Variants in CRACD observed in about 807,000 individuals in gnomAD.
CRACD encodes the protein capping protein inhibiting regulator of actin dynamics.
CRACD carries 56 observed loss-of-function variants against 106.8 expected under a neutral mutation model. The ratio of observed to expected loss-of-function variants is 0.52; its 90% confidence interval spans 0.42 to 0.66. The LOEUF (loss-of-function observed/expected upper bound fraction) is 0.66, where lower values mean the gene tolerates loss of function less well. Among genes scored for constraint, CRACD ranks in the 30% least tolerant of loss-of-function variants. CRACD has a pLI of 0.00. For missense variants in CRACD, 1,730 were observed against 1,623.2 expected, an observed-to-expected ratio of 1.07 and a Z score of -1.13; for synonymous variants, 754 against 670.8, an observed-to-expected ratio of 1.12 and a Z score of -1.92.
rs1000877423 is a variant in CRACD, at chr4:56,090,144, CT to C, written c.-336+40853del. ...AATATGAAAGGTAAACTTTATTTTC[CT>C]TTTTTTTAAAAAAAAAAAAAAACTG... On this transcript the variant is annotated intron_variant, in intron 1 of 10. Coordinates refer to ENST00000682029, the MANE Select transcript of CRACD (RefSeq NM_001393381.1). Among the ~76,000 whole-genome samples the C allele has an allele frequency of 4.7e-3, 679 of 144,506 alleles. 3 individuals carry two copies. Among genetic ancestry groups the C allele is most frequent in the African/African-American group, 0.013 (525 of 39,462 alleles). The allele number at this position is 144,506 out of a possible 152,430, so 94.8% of individuals were successfully genotyped here. A position where few individuals can be genotyped will look rare whatever the true frequency, so the allele number is the denominator to read the frequency against.
chr4:56,213,103 A>T (rs1254149141), intron 2 of CRACD, among the ~76,000 whole-genome samples: 2 of 152,126 alleles, frequency 1.3e-5, no homozygotes, highest in African/African-American at 2.4e-5. Flanking sequence ...TCCACTTTGG[A>T]TCTCACTTCA....
At position 56,237,669 on chromosome 4, in the gene CRACD, T is replaced by C. The variant is rs556446732; in HGVS notation, c.-188-34652T>C. On this transcript the variant is annotated intron_variant, in intron 2 of 10. Transcript: ENST00000682029. The stretch of plus-strand genomic sequence containing the variant: ...ATATTTTTGTAAACTCTCTAGGTGT[T>C]TTCCTAACAGTAATTCCTAGAACTG... Among the ~76,000 whole-genome samples the C allele has an allele frequency of 5.9e-4, 89 of 151,816 alleles. 3 individuals are homozygous for C. Among genetic ancestry groups the C allele is most frequent in the African/African-American group, 2.1e-3 (85 of 41,426 alleles).
intron 2 of CRACD, among the ~76,000 whole-genome samples, chr4:56,184,563 G>A (rs993203238): frequency 6.6e-6 from 1 of 152,202 alleles, no homozygotes; most frequent in Non-Finnish European, 1.5e-5. Flanking sequence ...TTGCCTTTTG[G>A]TTATCTAGCT....
At chr4:56,192,263 A>G (rs1312536701) in intron 2 of CRACD, among the ~76,000 whole-genome samples, 1 of 152,094 alleles carries the variant, frequency 6.6e-6, no homozygotes, top group African/African-American at 2.4e-5. Context: ...ATGGTGGTGC[A>G]CACCTGTAAT....
intron 1 of CRACD, among the ~76,000 whole-genome samples, chr4:56,164,146 T>G (rs932718091): frequency 3.8e-4 from 57 of 151,962 alleles, no homozygotes; most frequent in African/African-American, 1.4e-3. Flanking sequence ...ATTTTTTTTT[T>G]TTTTTTGAGA....
chr4:56,133,382 T>C (rs1734890041), intron 1 of CRACD, among the ~76,000 whole-genome samples: 1 of 152,232 alleles, frequency 6.6e-6, no homozygotes. Flanking sequence ...TTGATTGTGG[T>C]TATTTTGCAA....
Position 56,192,562 on chromosome 4 carries a change from G to A in CRACD, c.-189+13132G>A, listed in dbSNP as rs569948432. Among the ~76,000 whole-genome samples, 6 of 152,248 alleles carry A rather than the reference G, an allele frequency of 3.9e-5. No homozygotes were observed. The South Asian group carries it at 1.2e-3, about 32-fold the overall frequency. On this transcript the variant is annotated intron_variant, in intron 2 of 10. Transcript: ENST00000682029. ...AGACTTGTGGGAAGAGGTTCATGAT[G>A]AGGAACAGTAGAGAAATGAAATGAG...
intron 1 of CRACD, among the ~76,000 whole-genome samples, chr4:56,066,819 T>TCCTG (rs1732480483): frequency 6.6e-6 from 1 of 152,090 alleles, no homozygotes; most frequent in East Asian, 1.9e-4. Flanking sequence ...GCCTGCTGAA[T>TCCTG]CCTGCAGGAA....
chr4:56,072,001 G>A (rs1422314881), intron 1 of CRACD, among the ~76,000 whole-genome samples: 1 of 151,660 alleles, frequency 6.6e-6, no homozygotes, highest in Non-Finnish European at 1.5e-5. Context: ...GGTGGCGGGC[G>A]CCTGTAGTCC....
At chr4:56,273,663 G>A (rs942504177) in intron 3 of CRACD, among the ~76,000 whole-genome samples, 1 of 152,136 alleles carries the variant, frequency 6.6e-6, no homozygotes, top group South Asian at 2.1e-4. Context: ...TGTTCTTGTA[G>A]CATTGTGTGC....
At chr4:56,153,714 G>A (rs796441051) in intron 1 of CRACD, among the ~76,000 whole-genome samples, 3 of 152,284 alleles carry the variant, frequency 2.0e-5, no homozygotes, top group South Asian at 4.1e-4. Flanking sequence ...TCGTTCTTCA[G>A]CCACATCTCA....
intron 6 of CRACD, chr4:56,311,210 G>A (rs1745137660): frequency 5.9e-6 from 1 of 169,466 alleles, no homozygotes; most frequent in African/African-American, 2.4e-5. Context: ...ACCTGCAGGA[G>A]TGTAAGAACC....
At position 56,265,173 on chromosome 4, in the gene CRACD, G is replaced by C. The variant is rs1741936456; in HGVS notation, c.-188-7148G>C. Reference sequence around the variant, plus strand: ...AGAGGACTTGTGCATGCCAGTGTGTGTCTAGTCATTTTTCTTAGCAGTTTC... The same window carrying C: ...AGAGGACTTGTGCATGCCAGTGTGTCTCTAGTCATTTTTCTTAGCAGTTTC... On this transcript the variant is annotated intron_variant, in intron 2 of 10. Coordinates refer to ENST00000682029, the MANE Select transcript of CRACD (RefSeq NM_001393381.1). 3.3e-5 allele frequency among the ~76,000 whole-genome samples: 5 copies of C among 152,214 alleles called. 1 individual carries two copies. The South Asian group carries it at 1.0e-3, about 32-fold the overall frequency.
rs150093095 is a variant in CRACD, at chr4:56,259,275, G to A, written c.-188-13046G>A. Among the ~76,000 whole-genome samples the A allele has an allele frequency of 1.4e-4, 22 of 152,240 alleles. No homozygotes were observed. In the East Asian group the frequency reaches 4.3e-3, roughly 30 times the overall value. ...ATTGTGGGCAGAGCTAGGTTGTAAGGGGGCTGTTGCCTTGAGATCCTCTCT... is the reference window on the plus strand; with the variant it reads ...ATTGTGGGCAGAGCTAGGTTGTAAGAGGGCTGTTGCCTTGAGATCCTCTCT... On this transcript the variant is annotated intron_variant, in intron 2 of 10. Coordinates refer to ENST00000682029, the MANE Select transcript of CRACD (RefSeq NM_001393381.1).
At chr4:56,189,042 G>C (rs995751562) in intron 2 of CRACD, among the ~76,000 whole-genome samples, 11 of 152,134 alleles carry the variant, frequency 7.2e-5, no homozygotes, top group African/African-American at 2.2e-4. Context: ...AAATTAGCCA[G>C]ATGTGTGGCA....
intron 3 of CRACD, among the ~76,000 whole-genome samples, chr4:56,286,881 G>C (rs1272308067): frequency 6.6e-6 from 1 of 152,086 alleles, no homozygotes; most frequent in African/African-American, 2.4e-5. Flanking sequence ...AAAAATAAAA[G>C]CTTCACCTGA....
chr4:56,305,036 A>G (rs1338919943), intron 4 of CRACD, among the ~76,000 whole-genome samples: 2 of 151,960 alleles, frequency 1.3e-5, no homozygotes, highest in Non-Finnish European at 2.9e-5. Context: ...CCTGGGCATC[A>G]TGGTGAGACC....
chr4:56,188,107 G>A (rs773061755), intron 2 of CRACD, among the ~76,000 whole-genome samples: 1 of 152,168 alleles, frequency 6.6e-6, no homozygotes, highest in Non-Finnish European at 1.5e-5. Context: ...ATTTTAAGAA[G>A]CCTCAGAAAG....
intron 1 of CRACD, among the ~76,000 whole-genome samples, chr4:56,141,284 G>A (rs985285029): frequency 6.6e-6 from 1 of 152,200 alleles, no homozygotes; most frequent in Non-Finnish European, 1.5e-5. Flanking sequence ...GGGGCAAGCT[G>A]ATGGGAAGGA....
Sources: allele counts gnomAD v4.1 joint callset (sites outside exome capture counted in the v4.1 genomes callset), GRCh38; gene constraint gnomAD v4.1.1; transcripts MANE v1.5; gene names NCBI Gene and HGNC (gene_info 2026-07-23, HGNC 2026-07-21).